The following PLS1 variants were observed in gnomAD, a reference collection of about 807,000 sequenced individuals.
PLS1 encodes plastin 1, also known as plastin-1.
Under a neutral mutation model 73.7 loss-of-function variants are expected in PLS1, and 32 were observed. That is an observed-to-expected ratio of 0.43 (90% CI 0.33 to 0.58). The LOEUF is 0.58. PLS1 is among the 20% of genes least tolerant of loss of function. PLS1 has a pLI of 0.04. For synonymous variants in PLS1, 217 were observed against 261.3 expected, an observed-to-expected ratio of 0.83 and a Z score of 1.63; for missense variants, 633 against 740.5, an observed-to-expected ratio of 0.85 and a Z score of 1.68.
intron 1 of PLS1, among the ~76,000 whole-genome samples, chr3:142,640,061 C>T (rs562900556): frequency 3.0e-4 from 45 of 152,104 alleles, no homozygotes; most frequent in African/African-American, 1.1e-3. Flanking sequence ...GAATTTTATA[C>T]AATAGAGGAA....
intron 4 of PLS1, among the ~76,000 whole-genome samples, chr3:142,672,878 T>C (rs546653444): frequency 4.3e-4 from 66 of 152,266 alleles, no homozygotes; most frequent in African/African-American, 1.2e-3. Flanking sequence ...CAGAACACTT[T>C]CATTACACCA....
chr3:142,689,093 T>C (rs570451787), intron 9 of PLS1, among the ~76,000 whole-genome samples: 41 of 152,106 alleles, frequency 2.7e-4, no homozygotes, highest in African/African-American at 9.7e-4. Context: ...AAAATATAAC[T>C]CAGTTATCCC....
At chr3:142,676,651 G>A (rs913886223) in intron 5 of PLS1, among the ~76,000 whole-genome samples, 1 of 152,170 alleles carries the variant, frequency 6.6e-6, no homozygotes, top group Non-Finnish European at 1.5e-5. Flanking sequence ...AATGTAAAGG[G>A]AAGATATTCC....
At chr3:142,600,899 TATATATATATA>T (rs2035905969) in intron 1 of PLS1, among the ~76,000 whole-genome samples, 7 of 31,050 alleles carry the variant, frequency 2.3e-4, no homozygotes, top group East Asian at 9.6e-4. Flanking sequence ...TATATATATA[TATATATATATA>T]TATATATTTT....
At chr3:142,672,100 G>T (rs150421014) in intron 4 of PLS1, among the ~76,000 whole-genome samples, 118 of 152,188 alleles carry the variant, frequency 7.8e-4, no homozygotes, top group African/African-American at 2.7e-3. Context: ...TACACATTCA[G>T]CAAAGTGCTA....
intron 1 of PLS1, among the ~76,000 whole-genome samples, chr3:142,600,923 T>TAA (rs2035914717): frequency 1.3e-5 from 1 of 75,412 alleles, no homozygotes; most frequent in Non-Finnish European, 2.6e-5. Flanking sequence ...TATATTTTTT[T>TAA]TTTTTTTTTT....
intron 6 of PLS1, 62 bp from the exon 7 acceptor site, chr3:142,683,944 T>C: frequency 1.6e-6 from 2 of 1,241,190 alleles, no homozygotes; most frequent in Non-Finnish European, 2.2e-6. Context: ...TTATAGATAA[T>C]TTTTATAGAT....
chr3:142,708,238 T>A (rs1932941510), intron 14 of PLS1, among the ~76,000 whole-genome samples: 1 of 152,052 alleles, frequency 6.6e-6, no homozygotes. Context: ...CCAGATTTAT[T>A]TGTTTATTTT....
At chr3:142,704,346 T>G (rs1018208730) in intron 13 of PLS1, 117 bp from the exon 14 acceptor site, 8 of 836,300 alleles carry the variant, frequency 9.6e-6, no homozygotes, top group Non-Finnish European at 1.5e-5. Flanking sequence ...AGACTAAAAT[T>G]AGAAATATTT....
intron 12 of PLS1, among the ~76,000 whole-genome samples, chr3:142,703,588 G>A (rs757161036): frequency 6.6e-6 from 1 of 152,124 alleles, no homozygotes; most frequent in Non-Finnish European, 1.5e-5. Flanking sequence ...AAGCGACCAC[G>A]CCCGGCCTGG....
intron 14 of PLS1, 81 bp downstream of exon 14, chr3:142,704,667 G>C: frequency 4.3e-6 from 2 of 459,792 alleles, no homozygotes; most frequent in Non-Finnish European, 6.4e-6. Flanking sequence ...TTTTTTTTTG[G>C]AGATGGAGTC....
intron 14 of PLS1, among the ~76,000 whole-genome samples, chr3:142,709,630 C>A (rs917045192): frequency 1.5e-4 from 23 of 152,206 alleles, no homozygotes; most frequent in Admixed American, 5.2e-4. Context: ...TCCTGGCTAA[C>A]ACGGCGAAAC....
At chr3:142,679,311 C>T (rs1410941667) in intron 6 of PLS1, among the ~76,000 whole-genome samples, 1 of 150,460 alleles carries the variant, frequency 6.6e-6, no homozygotes, top group Non-Finnish European at 1.5e-5. Context: ...TCTTTTGTTG[C>T]CATTGCTTTT....
chr3:142,667,583 C>T (rs1481207593), intron 2 of PLS1, among the ~76,000 whole-genome samples: 1 of 152,174 alleles, frequency 6.6e-6, no homozygotes, highest in Non-Finnish European at 1.5e-5. Context: ...TAGATGGTTT[C>T]TATTAGTTCT....
intron 1 of PLS1, among the ~76,000 whole-genome samples, chr3:142,616,293 T>A (rs955762425): frequency 6.6e-6 from 1 of 152,224 alleles, no homozygotes; most frequent in African/African-American, 2.4e-5. Context: ...TTCTCATTTG[T>A]TAATGTTTTC....
chr3:142,711,661 C>T (rs760865279), intron 15 of PLS1, 36 bp downstream of exon 15: 7 of 1,538,280 alleles, frequency 4.6e-6, no homozygotes, highest in East Asian at 2.3e-5. Context: ...ATACATGGCC[C>T]TTTAATTCTC....
At chr3:142,639,405 G>A (rs953556519) in intron 1 of PLS1, among the ~76,000 whole-genome samples, 12 of 152,170 alleles carry the variant, frequency 7.9e-5, no homozygotes, top group African/African-American at 2.7e-4. Context: ...CTTGGTTTTA[G>A]TAGTGGAATG....
At chr3:142,691,635 C>A (rs1358309376) in intron 10 of PLS1, among the ~76,000 whole-genome samples, 3 of 152,042 alleles carry the variant, frequency 2.0e-5, no homozygotes, top group Admixed American at 2.0e-4. Context: ...ATTAAGATAA[C>A]ATGGGAAATA....
intron 1 of PLS1, among the ~76,000 whole-genome samples, chr3:142,622,348 C>G (rs1365823710): frequency 6.6e-6 from 1 of 152,198 alleles, no homozygotes; most frequent in Non-Finnish European, 1.5e-5. Context: ...AAATCACCAC[C>G]ACAATCAAGA....
Sources: gnomAD v4.1 joint callset for allele counts (sites outside exome capture counted in the v4.1 genomes callset) on GRCh38, gnomAD v4.1.1 for gene constraint, MANE v1.5 for transcripts, NCBI Gene and HGNC (gene_info 2026-07-23, HGNC 2026-07-21) for gene names.